Variants in GTF2IRD2 observed in about 807,000 individuals in gnomAD.
GTF2IRD2 encodes general transcription factor II-I repeat domain-containing protein 2A.
A neutral mutation model predicts 49.2 loss-of-function variants in GTF2IRD2; 8 were observed. That is an observed-to-expected ratio of 0.16 (90% CI 0.10 to 0.29). The LOEUF (loss-of-function observed/expected upper bound fraction) is 0.29, where lower values mean the gene tolerates loss of function less well. Ranked by LOEUF, GTF2IRD2 falls within the 10% of genes least tolerant of loss-of-function variation. GTF2IRD2 has a pLI of 1.00. For synonymous variants in GTF2IRD2, 47 were observed against 289.7 expected, an observed-to-expected ratio of 0.16 and a Z score of 8.51; for missense variants, 130 against 725.7, an observed-to-expected ratio of 0.18 and a Z score of 9.43.
chr7:74,809,836 C>G, intron 10 of GTF2IRD2, among the ~76,000 whole-genome samples: 1 of 123,914 alleles, frequency 8.1e-6, no homozygotes, highest in Non-Finnish European at 1.8e-5. Flanking sequence ...CTCTGTCACC[C>G]AGGCTGGAGT....
At chr7:74,845,867 CT>C (rs1180915348) in intron 1 of GTF2IRD2, among the ~76,000 whole-genome samples, 2 of 138,592 alleles carry the variant, frequency 1.4e-5, no homozygotes, top group South Asian at 2.4e-4. Context: ...GTTATTAACC[CT>C]TTTTTTACTC....
At chr7:74,842,722 C>T (rs1800956736) in intron 1 of GTF2IRD2, among the ~76,000 whole-genome samples, 1 of 143,800 alleles carries the variant, frequency 7.0e-6, no homozygotes, top group Admixed American at 7.0e-5. Flanking sequence ...CGACACTCAG[C>T]TAATTTTCTA....
At chr7:74,815,746 AAAGG>A (rs1418662234) in intron 8 of GTF2IRD2, among the ~76,000 whole-genome samples, 2 of 37,894 alleles carry the variant, frequency 5.3e-5, no homozygotes, top group Non-Finnish European at 1.2e-4. Context: ...AGAAAGAAAG[AAAGG>A]AAGGAAGGAA....
chr7:74,831,239 C>T (rs1445264423), intron 3 of GTF2IRD2, among the ~76,000 whole-genome samples: 1 of 150,666 alleles, frequency 6.6e-6, no homozygotes, highest in Non-Finnish European at 1.5e-5. Flanking sequence ...TCTAATCTAT[C>T]TATATACATA....
At chr7:74,829,720 C>CAAA (rs1156848156) in intron 3 of GTF2IRD2, among the ~76,000 whole-genome samples, 26 of 88,264 alleles carry the variant, frequency 2.9e-4, no homozygotes, top group African/African-American at 9.9e-4. Flanking sequence ...TCTCAAAATA[C>CAAA]AAAAAAAAAA....
At chr7:74,834,233 CTT>C (rs1212104357) in intron 2 of GTF2IRD2, among the ~76,000 whole-genome samples, 12 of 96,616 alleles carry the variant, frequency 1.2e-4, no homozygotes, top group Admixed American at 2.0e-4. Flanking sequence ...TTTATTTTTC[CTT>C]TTTTTTTTTT....
intron 6 of GTF2IRD2, chr7:74,821,987 A>G (rs2718246): frequency 7.4e-4 from 215 of 288,672 alleles, no homozygotes; most frequent in East Asian, 1.1e-3. Flanking sequence ...TGTGTGCCAC[A>G]ATGGCTTGCT....
chr7:74,838,255 A>AT (rs1800479962), intron 1 of GTF2IRD2, among the ~76,000 whole-genome samples: 1 of 131,424 alleles, frequency 7.6e-6, no homozygotes, highest in Non-Finnish European at 1.5e-5. Flanking sequence ...CTACCACACT[A>AT]TTTCACTTAC....
chr7:74,834,256 A>G, intron 2 of GTF2IRD2, among the ~76,000 whole-genome samples: 3 of 118,756 alleles, frequency 2.5e-5, no homozygotes, highest in African/African-American at 5.0e-5. Context: ...TTTGAGACGG[A>G]GTCTTGCCCT....
intron 3 of GTF2IRD2, among the ~76,000 whole-genome samples, chr7:74,829,887 C>CAAAAAAAAAAAAA (rs1554420189): frequency 2.0e-4 from 12 of 59,844 alleles, no homozygotes; most frequent in African/African-American, 7.1e-4. Context: ...GATTCTGTCT[C>CAAAAAAAAAAAAA]AAAAAAAAAA....
intron 1 of GTF2IRD2, among the ~76,000 whole-genome samples, chr7:74,839,611 A>C (rs1324433284): frequency 8.4e-6 from 1 of 119,082 alleles, no homozygotes; most frequent in Admixed American, 1.0e-4. Context: ...TGTCCAAGCA[A>C]AGCTAGAACA....
chr7:74,798,004 G>C lies in GTF2IRD2; in HGVS notation c.1508C>G (p.Thr503Ser). 1.2e-6 allele frequency: 1 copy of C among 825,020 alleles called. No individual in the cohort carries two copies. The highest frequency in any genetic ancestry group is 1.7e-5 in the South Asian group (1 of 58,368). The allele number at this position is 825,020 out of a possible 1,614,324, so 51.1% of individuals were successfully genotyped here. A position where few individuals can be genotyped will look rare whatever the true frequency, so the allele number is the denominator to read the frequency against. Reference protein sequence around the residue: ...LRKYLLGSSDTECPEQKQVFA... With the variant: ...LRKYLLGSSDSECPEQKQVFA... Reference sequence around the variant, plus strand: ...CACTTGTTTTTGCTCGGGACACTCGGTGTCTGATGAGCCTAAGAGATACTT... The same window carrying C: ...CACTTGTTTTTGCTCGGGACACTCGCTGTCTGATGAGCCTAAGAGATACTT... The change falls in exon 16 of 16, where the codon ACC becomes AGC. Residue 503 changes from threonine (T) to serine (S), a missense_variant. Transcript: ENST00000451013.
At chr7:74,807,281 C>A in intron 11 of GTF2IRD2, among the ~76,000 whole-genome samples, 1 of 110,716 alleles carries the variant, frequency 9.0e-6, no homozygotes, top group Non-Finnish European at 2.0e-5. Flanking sequence ...TCATGCTTGG[C>A]TAATTTTTTT....
chr7:74,806,591 T>C, intron 12 of GTF2IRD2, among the ~76,000 whole-genome samples: 1 of 152,014 alleles, frequency 6.6e-6, no homozygotes, highest in Non-Finnish European at 1.5e-5. Context: ...ATTACAGGCG[T>C]AAGCCACCGT....
intron 1 of GTF2IRD2, among the ~76,000 whole-genome samples, chr7:74,841,512 G>C (rs1184688253): frequency 7.5e-6 from 1 of 133,800 alleles, no homozygotes; most frequent in Admixed American, 7.1e-5. Flanking sequence ...ATGTCACCCA[G>C]GCTGGAGTGC....
rs1338569974 is a variant in GTF2IRD2, at chr7:74,843,002, T to C, written c.-5-6619A>G. Among the ~76,000 whole-genome samples, 3 of 76,168 alleles carry C rather than the reference T, an allele frequency of 3.9e-5. 1 individual carries two copies. Among genetic ancestry groups the C allele is most frequent in the African/African-American group, 2.0e-4 (3 of 15,298 alleles). The allele number at this position is 76,168 out of a possible 152,430, so 50.0% of individuals were successfully genotyped here. A position where few individuals can be genotyped will look rare whatever the true frequency, so the allele number is the denominator to read the frequency against. The stretch of plus-strand genomic sequence containing the variant: ...ATGCAGTGGCACGATCTCAGCTCAC[T>C]GCAACCTCCGCCTCCCGGGTTCAAG... On this transcript the variant is annotated intron_variant, in intron 1 of 15. Transcript: ENST00000451013.
In GTF2IRD2 at chr7:74,796,620, A is replaced by C. The variant is rs1554416163; in HGVS notation, c.*42T>G. On this transcript the variant is annotated 3_prime_UTR_variant, in exon 16 of 16. Transcript: ENST00000451013. ...CAATCCCTTGGGACTAGAAGACTCC[A>C]GCCTTTCCCACCATAGGGCCCTGCC... 1.4e-6 allele frequency: 1 copy of C among 713,340 alleles called. No homozygotes were observed. Among genetic ancestry groups the C allele is most frequent in the Non-Finnish European group, 2.5e-6 (1 of 394,766 alleles). 44.2% of individuals were successfully genotyped at this position (713,340 alleles called of 1,614,324 possible).
intron 1 of GTF2IRD2, among the ~76,000 whole-genome samples, chr7:74,841,817 T>G (rs1800854107): frequency 7.0e-6 from 1 of 142,364 alleles, no homozygotes; most frequent in South Asian, 2.3e-4. Context: ...TTCAGAGTGA[T>G]GAAAATGTTC....
At chr7:74,823,934 T>C (rs1432523503) in intron 4 of GTF2IRD2, among the ~76,000 whole-genome samples, 1 of 106,398 alleles carries the variant, frequency 9.4e-6, no homozygotes, top group African/African-American at 3.5e-5. Flanking sequence ...GAGGCCAAGG[T>C]GGGCGGATCA....
Sources: allele counts gnomAD v4.1 joint callset (sites outside exome capture counted in the v4.1 genomes callset), GRCh38; gene constraint gnomAD v4.1.1; transcripts MANE v1.5; gene names NCBI Gene and HGNC (gene_info 2026-07-23, HGNC 2026-07-21).